Variants in VWC2 observed in about 807,000 individuals in gnomAD.
The protein encoded by VWC2 is brorin.
Under a neutral mutation model 29.8 loss-of-function variants are expected in VWC2, and 14 were observed. The ratio of observed to expected loss-of-function variants is 0.47; its 90% CI spans 0.31 to 0.74. The LOEUF is 0.74. Ranked by LOEUF, VWC2 falls within the 30% of genes least tolerant of loss-of-function variation. The probability of loss-of-function intolerance (pLI) is 0.05; values close to 1 mark genes in which losing one functional copy is unlikely to be tolerated. For synonymous variants in VWC2, 213 were observed against 199.0 expected, an observed-to-expected ratio of 1.07 and a Z score of -0.59; for missense variants, 457 against 459.8, an observed-to-expected ratio of 0.99 and a Z score of 0.05.
intron 3 of VWC2, among the ~76,000 whole-genome samples, chr7:49,804,364 G>A (rs1018882072): frequency 6.6e-6 from 1 of 152,104 alleles, no homozygotes; most frequent in Admixed American, 6.5e-5. Context: ...TGAGGAGCCC[G>A]AGTGAGCGCC....
chr7:49,885,854 G>C (rs910955540), intron 3 of VWC2, among the ~76,000 whole-genome samples: 13 of 152,270 alleles, frequency 8.5e-5, no homozygotes, highest in Non-Finnish European at 1.0e-4. Context: ...GCAGCATTCA[G>C]GGTACACCTG....
intron 3 of VWC2, among the ~76,000 whole-genome samples, chr7:49,815,407 ACT>A (rs1380146062): frequency 1.3e-5 from 2 of 152,104 alleles, no homozygotes; most frequent in African/African-American, 2.4e-5. Context: ...ATATTTTATG[ACT>A]CTGATACATA....
Position 49,776,036 on chromosome 7 carries a change from C to A in VWC2, c.601C>A (p.His201Asn). 6.5e-7 allele frequency: 1 copy of A among 1,547,284 alleles called. No homozygotes were observed. Among genetic ancestry groups the A allele is most frequent in the Non-Finnish European group, 8.7e-7 (1 of 1,152,062 alleles). The change falls in exon 2 of 4, where the codon CAC (histidine) becomes AAC (asparagine). Residue 201 changes from histidine (H) to asparagine (N), a missense_variant. His to Asn is a moderately conservative substitution (Grantham distance 68). Around this residue, in one of 2 missense-constraint regions of VWC2, gnomAD observed 185 missense variants for 257.1 expected, o/e 0.72. Coordinates refer to ENST00000340652, the MANE Select transcript of VWC2 (RefSeq NM_198570.5). ...ECPRLHPRCI[H>N]VDTSQCCPQC... ...CCCGAGGCTGCACCCGCGCTGCATCCACGTCGACACGAGCCAGTGCTGCCC... is the reference window on the plus strand; with the variant it reads ...CCCGAGGCTGCACCCGCGCTGCATCAACGTCGACACGAGCCAGTGCTGCCC...
In VWC2 at chr7:49,776,664, A is replaced by G. The variant is rs576565537; in HGVS notation, c.696+533A>G. ...CTCACTGGGTGCCAAATCATAGTGG[A>G]TGGTGAAACCAACAAGTGCAGTTAA... On this transcript the variant is annotated intron_variant, in intron 2 of 3. Transcript: ENST00000340652. Among the ~76,000 whole-genome samples, 8 of 152,354 alleles carry G rather than the reference A, an allele frequency of 5.3e-5. No individual in the cohort carries two copies. The South Asian group carries it at 1.7e-3, about 32-fold the overall frequency.
At chr7:49,830,049 T>G (rs1789490019) in intron 3 of VWC2, among the ~76,000 whole-genome samples, 1 of 152,250 alleles carries the variant, frequency 6.6e-6, no homozygotes, top group Non-Finnish European at 1.5e-5. Flanking sequence ...TTTTCATGTC[T>G]TCCAACTACT....
intron 3 of VWC2, among the ~76,000 whole-genome samples, chr7:49,875,741 G>A (rs1326441298): frequency 6.6e-6 from 1 of 152,056 alleles, no homozygotes; most frequent in Non-Finnish European, 1.5e-5. Flanking sequence ...TTGTTTAACA[G>A]GCTGTATATT....
At chr7:49,869,340 C>T (rs1791037757) in intron 3 of VWC2, among the ~76,000 whole-genome samples, 1 of 152,156 alleles carries the variant, frequency 6.6e-6, no homozygotes, top group East Asian at 1.9e-4. Flanking sequence ...GGAAGTAATA[C>T]TGAACAAGGT....
rs560624312 is a variant in VWC2, at chr7:49,815,691, C to T, written c.826+12851C>T. Reference sequence around the variant, plus strand: ...CCAATGATCAGACTGCCCTGTAATACAATGGAGTATTATACAGTAAAACTT... The same window carrying T: ...CCAATGATCAGACTGCCCTGTAATATAATGGAGTATTATACAGTAAAACTT... On this transcript the variant is annotated intron_variant, in intron 3 of 3. Coordinates refer to ENST00000340652, the MANE Select transcript of VWC2 (RefSeq NM_198570.5). Among the ~76,000 whole-genome samples the T allele has an allele frequency of 3.9e-5, 6 of 152,262 alleles. No homozygotes were observed. In the East Asian group the frequency reaches 1.2e-3, roughly 29 times the overall value.
At chr7:49,822,195 TA>T (rs925003499) in intron 3 of VWC2, among the ~76,000 whole-genome samples, 59 of 149,354 alleles carry the variant, frequency 4.0e-4, no homozygotes, top group African/African-American at 1.4e-3. Context: ...TTCAACGAAG[TA>T]AAAAAAAAAC....
In VWC2 at chr7:49,840,807, G is replaced by A. The variant is rs1000424632; in HGVS notation, c.826+37967G>A. 3.3e-5 allele frequency among the ~76,000 whole-genome samples: 5 copies of A among 152,160 alleles called. No individual in the cohort carries two copies. In the South Asian group the frequency reaches 6.2e-4, roughly 19 times the overall value. On this transcript the variant is annotated intron_variant, in intron 3 of 3. Transcript: ENST00000340652. The stretch of plus-strand genomic sequence containing the variant: ...GTTAGTTTCCCCGTATTTCAGGTTC[G>A]CAGTGAGTCAAGCCACTCATAGTTT...
At chr7:49,783,103 G>A (rs1051650243) in intron 2 of VWC2, among the ~76,000 whole-genome samples, 19 of 152,148 alleles carry the variant, frequency 1.2e-4, no homozygotes, top group Admixed American at 1.1e-3. Context: ...CCATGGAGCT[G>A]CTTTTCCATA....
At chr7:49,829,044 C>T (rs1789467257) in intron 3 of VWC2, among the ~76,000 whole-genome samples, 2 of 152,226 alleles carry the variant, frequency 1.3e-5, no homozygotes, top group Admixed American at 1.3e-4. Context: ...ATGGCTAACC[C>T]TGCCGCTTCC....
chr7:49,818,324 A>G (rs1415693857), intron 3 of VWC2, among the ~76,000 whole-genome samples: 2 of 152,208 alleles, frequency 1.3e-5, no homozygotes, highest in Non-Finnish European at 2.9e-5. Context: ...TAATGCATAA[A>G]TGTCTCAGAC....
chr7:49,910,043 A>C (rs1469423000), intron 3 of VWC2, among the ~76,000 whole-genome samples: 1 of 152,012 alleles, frequency 6.6e-6, no homozygotes, highest in African/African-American at 2.4e-5. Context: ...CAGGAGATTG[A>C]AGCAGCTACA....
intron 3 of VWC2, among the ~76,000 whole-genome samples, chr7:49,848,825 A>T (rs1457866825): frequency 6.6e-6 from 1 of 152,226 alleles, no homozygotes; most frequent in African/African-American, 2.4e-5. Flanking sequence ...ATACACTTTT[A>T]TAGTATAGTC....
At chr7:49,912,006 T>C (rs760627967) in intron 3 of VWC2, 28 bp from the exon 4 acceptor site, 3 of 1,602,700 alleles carry the variant, frequency 1.9e-6, no homozygotes, top group South Asian at 2.2e-5. Context: ...TGCACACATA[T>C]AGTATAAAAC....
At chr7:49,908,633 T>C (rs1793234887) in intron 3 of VWC2, among the ~76,000 whole-genome samples, 1 of 152,112 alleles carries the variant, frequency 6.6e-6, no homozygotes, top group African/African-American at 2.4e-5. Flanking sequence ...CCAGTCAGTA[T>C]ACTACACGTG....
chr7:49,816,083 G>A (rs1192150938), intron 3 of VWC2, among the ~76,000 whole-genome samples: 1 of 152,144 alleles, frequency 6.6e-6, no homozygotes, highest in Non-Finnish European at 1.5e-5. Context: ...GAGGGTGGGA[G>A]CGGACCATAT....
intron 3 of VWC2, among the ~76,000 whole-genome samples, chr7:49,816,678 G>A (rs925565636): frequency 2.0e-5 from 3 of 152,196 alleles, no homozygotes; most frequent in Admixed American, 6.5e-5. Flanking sequence ...AGGAAAATCT[G>A]TGAGTTAACT....
Sources: gnomAD v4.1 joint callset for allele counts (sites outside exome capture counted in the v4.1 genomes callset) on GRCh38, gnomAD v4.1.1 for gene constraint, gnomAD v4.1.1 regional missense constraint, MANE v1.5 for transcripts, NCBI Gene and HGNC (gene_info 2026-07-23, HGNC 2026-07-21) for gene names.